The following NLRP14 variants were observed in gnomAD, a reference collection of about 807,000 sequenced individuals.
NLRP14 encodes NACHT, LRR and PYD domains-containing protein 14.
Under a neutral mutation model 94.7 loss-of-function variants are expected in NLRP14, and 105 were observed. The ratio of observed to expected loss-of-function variants is 1.11; its 90% CI spans 0.95 to 1.30. NLRP14 has a LOEUF of 1.30. Among genes scored for constraint, NLRP14 ranks in the 50% most tolerant of loss-of-function variants. NLRP14 has a pLI of 0.00. For synonymous variants in NLRP14, 508 were observed against 459.9 expected (o/e 1.10, Z -1.34); for missense variants, 1,362 against 1,254.1 (o/e 1.09, Z -1.30).
chr11:7,085,885 A>G, the NLRP14 span, among the ~76,000 whole-genome samples: 1 of 152,208 alleles, frequency 6.6e-6, no homozygotes, highest in African/African-American at 2.4e-5. Flanking sequence ...GGCTGAATCC[A>G]TAAATGTAGA....
At chr11:7,057,926 T>C in intron 7 of NLRP14, 79 bp downstream of exon 7, 1 of 1,200,100 alleles carries the variant, frequency 8.3e-7, no homozygotes, top group Non-Finnish European at 1.2e-6. Flanking sequence ...ATAGGGAAAC[T>C]TCTTGGGTCT....
In NLRP14 at chr11:7,042,746, A is replaced by G; in HGVS notation, c.720A>G (p.Thr240=). 6.2e-7 allele frequency: 1 copy of G among 1,614,246 alleles called. No individual in the cohort carries two copies. Among genetic ancestry groups the G allele is most frequent in the Non-Finnish European group, 8.5e-7 (1 of 1,180,034 alleles). ...TGATATCAAAGGACTGGCCCAGCACAGAAGGCCCCATTGAAGAAATCATGT... is the reference window on the plus strand; with the variant it reads ...TGATATCAAAGGACTGGCCCAGCACGGAAGGCCCCATTGAAGAAATCATGT... ...AQLISKDWPS[T]EGPIEEIMYQ... Residue 240 remains threonine, a synonymous_variant, in exon 4 of 12, where the codon ACA becomes ACG. Coordinates refer to ENST00000299481, the MANE Select transcript of NLRP14 (RefSeq NM_176822.4).
chr11:7,078,601 C>G, the NLRP14 span, among the ~76,000 whole-genome samples: 1 of 151,752 alleles, frequency 6.6e-6, no homozygotes, highest in Non-Finnish European at 1.5e-5. Flanking sequence ...ACCACCCTGG[C>G]TAACATGGTG....
chr11:7,062,555 T>C (rs1383120000), intron 10 of NLRP14, 52 bp downstream of exon 10: 1 of 1,489,772 alleles, frequency 6.7e-7, no homozygotes, highest in South Asian at 1.1e-5. Flanking sequence ...GTAGCTAGTA[T>C]AGCTAGAAGA....
chr11:7,090,643 A>G, the NLRP14 span: 1 of 359,968 alleles, frequency 2.8e-6, no homozygotes, highest in Non-Finnish European at 5.5e-6. Context: ...GATCTTTGAT[A>G]AACATCTGCT....
the NLRP14 span, among the ~76,000 whole-genome samples, chr11:7,082,100 C>T: frequency 6.6e-6 from 1 of 152,080 alleles, no homozygotes; most frequent in East Asian, 1.9e-4. Flanking sequence ...AAGGTCTGTA[C>T]CAGGAACCAG....
the NLRP14 span, among the ~76,000 whole-genome samples, chr11:7,084,596 C>T: frequency 0.81 from 123,158 of 152,122 alleles, 50,648 homozygotes; most frequent in South Asian, 0.93. Context: ...ACACATTCAC[C>T]TGCTAGAAGG....
intron 8 of NLRP14, among the ~76,000 whole-genome samples, chr11:7,059,010 C>G (rs1300798100): frequency 6.6e-6 from 1 of 151,874 alleles, no homozygotes; most frequent in African/African-American, 2.4e-5. Flanking sequence ...CTTTAACACC[C>G]TCATTGGACA....
intron 1 of NLRP14, among the ~76,000 whole-genome samples, chr11:7,032,968 C>T (rs1852118027): frequency 6.6e-6 from 1 of 151,842 alleles, no homozygotes; most frequent in Non-Finnish European, 1.5e-5. Flanking sequence ...CTTCATCCCC[C>T]TCCACCTCAT....
At chr11:7,078,890 G>A in the NLRP14 span, among the ~76,000 whole-genome samples, 14 of 152,186 alleles carry the variant, frequency 9.2e-5, no homozygotes, top group African/African-American at 2.4e-4. Flanking sequence ...GAGCCATGGG[G>A]TTGCTCCACA....
intron 4 of NLRP14, 73 bp downstream of exon 4, chr11:7,044,057 G>T (rs1433516494): frequency 1.4e-5 from 20 of 1,440,896 alleles, no homozygotes; most frequent in Non-Finnish European, 1.9e-5. Flanking sequence ...GAGGGAGGAG[G>T]CGTTTAGCTG....
At chr11:7,089,599 C>A in the NLRP14 span, 2 of 1,187,794 alleles carry the variant, frequency 1.7e-6, no homozygotes, top group Non-Finnish European at 1.0e-6. Context: ...GTCGGCCCAC[C>A]CCCCAAGAGG....
intron 11 of NLRP14, 85 bp downstream of exon 11, chr11:7,070,541 C>T: frequency 1.1e-6 from 1 of 886,550 alleles, no homozygotes; most frequent in Non-Finnish European, 1.9e-6. Context: ...CCTCAGAATC[C>T]ACCTAATTGT....
At chr11:7,051,943 A>T (rs1852446939) in intron 6 of NLRP14, among the ~76,000 whole-genome samples, 1 of 152,174 alleles carries the variant, frequency 6.6e-6, no homozygotes, top group Non-Finnish European at 1.5e-5. Flanking sequence ...TTTTCATGAG[A>T]ATGCTTTACT....
rs1852298194 is a variant in NLRP14, at chr11:7,043,405, T to A, written c.1379T>A (p.Phe460Tyr). ...TTAACTCAATCTGATGTCTCTAGTT[T>A]TATGGACAGCAATATTATTCAGAAG... ...LGLTQSDVSS[F>Y]MDSNIIQKDA... The change falls in exon 4 of 12, where the codon TTT (phenylalanine) becomes TAT (tyrosine). Residue 460 changes from phenylalanine to tyrosine, a missense_variant. Physicochemically the swap from Phe to Tyr is conservative, Grantham distance 22. Coordinates refer to ENST00000299481, the MANE Select transcript of NLRP14 (RefSeq NM_176822.4). 1 of 1,613,990 alleles carries A rather than the reference T, an allele frequency of 6.2e-7. No homozygotes were observed. Among genetic ancestry groups the A allele is most frequent in the Non-Finnish European group, 8.5e-7 (1 of 1,179,954 alleles).
chr11:7,089,427 G>T, the NLRP14 span: 2 of 1,551,336 alleles, frequency 1.3e-6, no homozygotes, highest in Non-Finnish European at 1.7e-6. Flanking sequence ...CCGCAGCCGC[G>T]GTCGCCCGAG....
At chr11:7,041,382 T>G (rs1852246258) in intron 3 of NLRP14, among the ~76,000 whole-genome samples, 1 of 152,142 alleles carries the variant, frequency 6.6e-6, no homozygotes, top group South Asian at 2.1e-4. Flanking sequence ...TATTAATATA[T>G]TGGTGTATAT....
chr11:7,023,467 T>C, intron 1 of NLRP14, among the ~76,000 whole-genome samples: 1 of 145,982 alleles, frequency 6.9e-6, no homozygotes, highest in African/African-American at 2.5e-5. Context: ...TATAAATCTA[T>C]TTTTACACAA....
rs2119646996 is a variant in NLRP14 at position 7,049,669 on chromosome 11, AG to A, written c.2124del. 1 of 1,609,044 alleles carries A rather than the reference AG, an allele frequency of 6.2e-7. No homozygotes were observed. Among genetic ancestry groups the A allele is most frequent in the East Asian group, 2.2e-5 (1 of 44,794 alleles). On this transcript the variant is annotated splice_acceptor_variant, in intron 5 of 11. Coordinates refer to ENST00000299481, the MANE Select transcript of NLRP14 (RefSeq NM_176822.4). LOFTEE classifies it high-confidence loss of function. ...TACCTCCTGCATATTTTTCTTCTGA[AG>A]GTTGAAATTTATCACTTTCCCTGAT...
Sources: gnomAD v4.1 joint callset for allele counts (sites outside exome capture counted in the v4.1 genomes callset) on GRCh38, gnomAD v4.1.1 for gene constraint, MANE v1.5 for transcripts, NCBI Gene and HGNC (gene_info 2026-07-23, HGNC 2026-07-21) for gene names.